Variants in HNMT observed in about 807,000 individuals in gnomAD.
The protein encoded by HNMT is histamine N-methyltransferase.
In HNMT, 30 loss-of-function variants were observed where a neutral mutation model predicts 32.1. The observed-to-expected ratio is 0.93, with a 90% CI of 0.70 to 1.27. The LOEUF is 1.27. Among genes scored for constraint, HNMT ranks in the 50% most tolerant of loss-of-function variants. The pLI is 0.00. For missense variants in HNMT, 327 were observed against 346.0 expected (o/e 0.95, Z 0.43); for synonymous variants, 125 against 119.0 (o/e 1.05, Z -0.33).
intron 2 of HNMT, among the ~76,000 whole-genome samples, chr2:137,994,317 A>C (rs116511967): frequency 0.01 from 1,553 of 152,356 alleles, 20 homozygotes; most frequent in African/African-American, 0.034. Flanking sequence ...GGCTCAAAAT[A>C]AGGGGATGGA....
At chr2:137,992,829 G>T (rs1219502983) in intron 2 of HNMT, among the ~76,000 whole-genome samples, 1 of 152,164 alleles carries the variant, frequency 6.6e-6, no homozygotes, top group Non-Finnish European at 1.5e-5. Context: ...AGAAGAAGAA[G>T]CAGGCACTCA....
In HNMT at chr2:138,015,039, C is replaced by A. The variant is rs1450589338; in HGVS notation, c.*909C>A. 1 of 151,880 alleles carries A rather than the reference C, an allele frequency of 6.6e-6. No individual in the cohort carries two copies. The highest frequency in any genetic ancestry group is 1.5e-5 in the Non-Finnish European group (1 of 67,972). The allele number at this position is 151,880 out of a possible 1,614,324, so 9.4% of individuals were successfully genotyped here. On this transcript the variant is annotated 3_prime_UTR_variant, in exon 6 of 6. Coordinates refer to ENST00000280097, the MANE Select transcript of HNMT (RefSeq NM_006895.3). ...TTAAAATGCAGCTTTTACCAGATTT[C>A]TAGGAATTGGGTAAATGCAAGGTTC... is the stretch of plus-strand genomic sequence containing the variant.
Position 138,005,150 on chromosome 2 carries a change from G to T in HNMT, c.448G>T (p.Asp150Tyr). ...TTTCTAGATGCTGTATTATGTAAAA[G>T]ACATCCCAGCTACCCTGAAATTCTT... is the stretch of plus-strand genomic sequence containing the variant. The part of the protein sequence containing the change: ...HMIQMLYYVK[D>Y]IPATLKFFHS... Residue 150 changes from aspartate (D) to tyrosine (Y), a missense_variant, in exon 5 of 6, where the codon GAC becomes TAC. Physicochemically the swap from Asp to Tyr is radical, Grantham distance 160 (BLOSUM62 -3). Transcript: ENST00000280097. 6.3e-7 allele frequency: 1 copy of T among 1,588,084 alleles called. No homozygotes were observed. The highest frequency in any genetic ancestry group is 8.6e-7 in the Non-Finnish European group (1 of 1,156,928).
At chr2:138,008,859 A>T (rs940421517) in intron 5 of HNMT, among the ~76,000 whole-genome samples, 15 of 152,042 alleles carry the variant, frequency 9.9e-5, no homozygotes, top group African/African-American at 3.6e-4. Flanking sequence ...GAACAGGCAA[A>T]GATTCTGTGA....
At chr2:137,978,461 T>G (rs976873356) in intron 2 of HNMT, among the ~76,000 whole-genome samples, 1 of 143,108 alleles carries the variant, frequency 7.0e-6, no homozygotes, top group African/African-American at 2.5e-5. Context: ...AATATAGTAT[T>G]ATACAATACA....
chr2:137,993,104 T>G (rs1177268665), intron 2 of HNMT, among the ~76,000 whole-genome samples: 2 of 152,038 alleles, frequency 1.3e-5, no homozygotes, highest in Non-Finnish European at 2.9e-5. Context: ...AAAGAATCAA[T>G]GAAACAATGC....
intron 5 of HNMT, among the ~76,000 whole-genome samples, chr2:138,013,316 C>T (rs962788469): frequency 1.3e-5 from 2 of 152,088 alleles, no homozygotes; most frequent in African/African-American, 4.8e-5. Flanking sequence ...CTAATCTCTC[C>T]AACCTCATCT....
At chr2:137,982,122 T>TAC (rs1337906767) in intron 2 of HNMT, among the ~76,000 whole-genome samples, 1 of 152,220 alleles carries the variant, frequency 6.6e-6, no homozygotes, top group Non-Finnish European at 1.5e-5. Context: ...GTGCTGGGAT[T>TAC]ACAGGCAGGA....
intron 1 of HNMT, among the ~76,000 whole-genome samples, chr2:137,969,053 C>G (rs1449222172): frequency 6.6e-6 from 1 of 152,126 alleles, no homozygotes; most frequent in Non-Finnish European, 1.5e-5. Flanking sequence ...TTTACAACTG[C>G]CATTACTAAA....
At chr2:137,971,153 A>C (rs1166406365) in intron 2 of HNMT, among the ~76,000 whole-genome samples, 3 of 151,420 alleles carry the variant, frequency 2.0e-5, no homozygotes, top group Non-Finnish European at 4.4e-5. Context: ...AATGCTTAGA[A>C]TTACCTCTAG....
At chr2:138,011,410 C>T (rs1240712337) in intron 5 of HNMT, among the ~76,000 whole-genome samples, 2 of 152,018 alleles carry the variant, frequency 1.3e-5, no homozygotes, top group African/African-American at 4.8e-5. Flanking sequence ...ATTCCAATTC[C>T]ACCTTCTCCT....
chr2:138,014,167 T>C lies in HNMT; in HGVS notation c.*37T>C. On this transcript the variant is annotated 3_prime_UTR_variant, in exon 6 of 6. Coordinates refer to ENST00000280097, the MANE Select transcript of HNMT (RefSeq NM_006895.3). ...AAAAGTATATTCAAAAATTATATTTTGAACAACTCGAATCACTCATTTATT... is the reference window on the plus strand; with the variant it reads ...AAAAGTATATTCAAAAATTATATTTCGAACAACTCGAATCACTCATTTATT... The C allele has an allele frequency of 8.0e-7, 1 of 1,251,660 alleles. No individual in the cohort carries two copies. Among genetic ancestry groups the C allele is most frequent in the Non-Finnish European group, 1.1e-6 (1 of 892,016 alleles). 77.5% of individuals were successfully genotyped at this position (1,251,660 alleles called of 1,614,324 possible).
chr2:138,010,275 T>C (rs1371131784), intron 5 of HNMT, among the ~76,000 whole-genome samples: 1 of 151,972 alleles, frequency 6.6e-6, no homozygotes, highest in African/African-American at 2.4e-5. Context: ...TTATTATTTC[T>C]GCCTTATGAT....
intron 4 of HNMT, chr2:138,002,480 C>A: frequency 1.9e-6 from 1 of 516,998 alleles, no homozygotes; most frequent in Non-Finnish European, 2.5e-6. Context: ...GGGAGTCTCG[C>A]TGTGTCATCC....
chr2:137,988,204 T>G (rs1680707953), intron 2 of HNMT, among the ~76,000 whole-genome samples: 1 of 152,204 alleles, frequency 6.6e-6, no homozygotes, highest in Non-Finnish European at 1.5e-5. Context: ...CACTAGAAGA[T>G]TTTAAGCAGG....
rs777634822 is a variant in HNMT at position 138,013,834 on chromosome 2, C to T, written c.583C>T (p.Leu195Phe). The change falls in exon 6 of 6, where the codon CTC becomes TTC. Residue 195 changes from leucine to phenylalanine, a missense_variant. By Grantham distance (22) the Leu-to-Phe change is conservative. Transcript: ENST00000280097. ...CGGATCACGCTTTCCCCAGGATGAC[C>T]TCTGCCAGTATATCACATCAGATGA... ...KYGSRFPQDDLCQYITSDDLT... is the reference protein window; with the variant it reads ...KYGSRFPQDDFCQYITSDDLT... The T allele has an allele frequency of 5.0e-6, 8 of 1,613,680 alleles. No individual in the cohort carries two copies. The highest frequency in any genetic ancestry group is 2.2e-5 in the East Asian group (1 of 44,856).
Position 138,005,193 on chromosome 2 carries a change from C to G in HNMT, c.491C>G (p.Thr164Ser). Reference protein sequence around the residue: ...TLKFFHSLLGTNAKMLIIVVS... With the variant: ...TLKFFHSLLGSNAKMLIIVVS... ...AAATTCTTCCATAGTCTCTTAGGTA[C>G]CAATGCTAAGATGCTCATTATTGTT... The change falls in exon 5 of 6, where the codon ACC becomes AGC. Residue 164 changes from threonine to serine, a missense_variant. Thr to Ser is a moderately conservative substitution (Grantham distance 58). Coordinates refer to ENST00000280097, the MANE Select transcript of HNMT (RefSeq NM_006895.3). 6.3e-7 allele frequency: 1 copy of G among 1,599,450 alleles called. No individual in the cohort carries two copies. The highest frequency in any genetic ancestry group is 8.6e-7 in the Non-Finnish European group (1 of 1,167,362).
intron 4 of HNMT, among the ~76,000 whole-genome samples, chr2:138,003,487 T>C (rs1681243478): frequency 6.6e-6 from 1 of 152,136 alleles, no homozygotes. Context: ...ACTCCAATTG[T>C]GTCATATACA....
intron 5 of HNMT, among the ~76,000 whole-genome samples, chr2:138,011,436 G>A (rs1358858977): frequency 1.3e-5 from 2 of 152,034 alleles, no homozygotes; most frequent in African/African-American, 2.4e-5. Flanking sequence ...ATATCCTGCA[G>A]TTACCTCTCC....
Sources: allele counts gnomAD v4.1 joint callset (sites outside exome capture counted in the v4.1 genomes callset), GRCh38; gene constraint gnomAD v4.1.1; transcripts MANE v1.5; gene names NCBI Gene and HGNC (gene_info 2026-07-23, HGNC 2026-07-21).